AK5: variants seen among roughly 807,000 people sequenced by gnomAD.
AK5 encodes adenylate kinase isoenzyme 5.
Under a neutral mutation model 69.5 loss-of-function variants are expected in AK5, and 27 were observed. That is an observed-to-expected ratio of 0.39 (90% CI 0.29 to 0.54). AK5 has a LOEUF of 0.54. Among genes scored for constraint, AK5 ranks in the 20% least tolerant of loss-of-function variants. AK5 has a pLI of 0.71. For synonymous variants in AK5, 260 were observed against 244.4 expected, an observed-to-expected ratio of 1.06 and a Z score of -0.60; for missense variants, 531 against 700.4, an observed-to-expected ratio of 0.76 and a Z score of 2.73.
intron 8 of AK5, among the ~76,000 whole-genome samples, chr1:77,453,825 G>A (rs886123723): frequency 2.6e-5 from 4 of 152,134 alleles, no homozygotes; most frequent in African/African-American, 7.2e-5. Context: ...TAGCAACAAC[G>A]GTATAAGTAG....
intron 6 of AK5, among the ~76,000 whole-genome samples, chr1:77,359,240 C>T (rs1437452494): frequency 4.7e-5 from 7 of 148,086 alleles, no homozygotes; most frequent in Non-Finnish European, 1.0e-4. Context: ...GGCGACAGAG[C>T]GAGACTCTGT....
intron 8 of AK5, among the ~76,000 whole-genome samples, chr1:77,421,042 T>C (rs1265969729): frequency 3.3e-5 from 5 of 152,204 alleles, no homozygotes; most frequent in Non-Finnish European, 7.3e-5. Context: ...ATTTCCACCA[T>C]TTAAAAATGT....
chr1:77,296,249 A>G (rs1031377116), intron 3 of AK5, among the ~76,000 whole-genome samples: 3 of 152,122 alleles, frequency 2.0e-5, no homozygotes, highest in Non-Finnish European at 4.4e-5. Flanking sequence ...CTCTCTTGGA[A>G]CAGATACGAA....
At chr1:77,522,446 G>A (rs1658043720) in intron 12 of AK5, among the ~76,000 whole-genome samples, 1 of 152,184 alleles carries the variant, frequency 6.6e-6, no homozygotes, top group Non-Finnish European at 1.5e-5. Context: ...GATGGGAAGG[G>A]AGGAGGGAGC....
chr1:77,385,885 A>G (rs192546708), intron 6 of AK5, among the ~76,000 whole-genome samples: 141 of 152,350 alleles, frequency 9.3e-4, no homozygotes, highest in African/African-American at 3.3e-3. Flanking sequence ...CCTAAAACTG[A>G]GAAATCAAGA....
chr1:77,510,061 G>A (rs1657255351), intron 10 of AK5, among the ~76,000 whole-genome samples: 1 of 152,198 alleles, frequency 6.6e-6, no homozygotes, highest in Non-Finnish European at 1.5e-5. Flanking sequence ...AGAATGGCCT[G>A]AGGTGTGAAC....
chr1:77,511,894 A>G (rs2100292453), intron 10 of AK5, among the ~76,000 whole-genome samples: 1 of 152,328 alleles, frequency 6.6e-6, no homozygotes, highest in South Asian at 2.1e-4. Flanking sequence ...GGTCATAACG[A>G]CAGCAAGGAA....
chr1:77,330,154 C>T (rs760678129), intron 5 of AK5, among the ~76,000 whole-genome samples: 22 of 152,186 alleles, frequency 1.4e-4, no homozygotes, highest in Admixed American at 1.1e-3. Context: ...GTTGGTTATA[C>T]GTGTGGCAAA....
intron 8 of AK5, among the ~76,000 whole-genome samples, chr1:77,468,859 T>C (rs1414249242): frequency 6.6e-6 from 1 of 152,222 alleles, no homozygotes; most frequent in Non-Finnish European, 1.5e-5. Context: ...AAACAGGAGC[T>C]ATAAAGGCTG....
intron 6 of AK5, among the ~76,000 whole-genome samples, chr1:77,402,669 C>T (rs1649314028): frequency 6.6e-6 from 1 of 151,728 alleles, no homozygotes; most frequent in Non-Finnish European, 1.5e-5. Flanking sequence ...TGTATATGTG[C>T]CACATTTTCT....
At chr1:77,311,394 G>A (rs577861583) in intron 5 of AK5, among the ~76,000 whole-genome samples, 1 of 152,258 alleles carries the variant, frequency 6.6e-6, no homozygotes, top group East Asian at 1.9e-4. Flanking sequence ...CATCAGCGAA[G>A]TATAGTAGTT....
chr1:77,528,886 T>G (rs1658423678), intron 12 of AK5, among the ~76,000 whole-genome samples: 1 of 152,228 alleles, frequency 6.6e-6, no homozygotes, highest in Non-Finnish European at 1.5e-5. Context: ...CAGCTAACTT[T>G]GTAGATCTCC....
At chr1:77,304,229 T>C (rs1202498773) in intron 5 of AK5, among the ~76,000 whole-genome samples, 1 of 152,122 alleles carries the variant, frequency 6.6e-6, no homozygotes, top group Non-Finnish European at 1.5e-5. Flanking sequence ...ATGACTTCAA[T>C]TGTTTTGATT....
At chr1:77,552,286 A>G (rs1270519526) in intron 13 of AK5, among the ~76,000 whole-genome samples, 1 of 152,138 alleles carries the variant, frequency 6.6e-6, no homozygotes, top group Non-Finnish European at 1.5e-5. Flanking sequence ...CGCTGTATTC[A>G]GAGTTGAATC....
At chr1:77,289,107 A>G (rs1303466017) in intron 2 of AK5, among the ~76,000 whole-genome samples, 1 of 152,212 alleles carries the variant, frequency 6.6e-6, no homozygotes, top group Non-Finnish European at 1.5e-5. Context: ...AGTCCCAGGT[A>G]TAAAGTTCAC....
chr1:77,360,362 A>G (rs978820296), intron 6 of AK5, among the ~76,000 whole-genome samples: 1 of 152,202 alleles, frequency 6.6e-6, no homozygotes, highest in Admixed American at 6.5e-5. Context: ...TTCTCTGAGA[A>G]GTCAAGCAAG....
At chr1:77,525,390 G>A (rs532800353) in intron 12 of AK5, among the ~76,000 whole-genome samples, 1 of 152,350 alleles carries the variant, frequency 6.6e-6, no homozygotes, top group East Asian at 1.9e-4. Flanking sequence ...ATAAAGAAAA[G>A]AGGTTATTTT....
intron 10 of AK5, among the ~76,000 whole-genome samples, chr1:77,512,893 A>T (rs1267839818): frequency 6.6e-6 from 1 of 152,226 alleles, no homozygotes; most frequent in Admixed American, 6.5e-5. Context: ...AGACTTTTCA[A>T]ATGTAGACTT....
chr1:77,475,493 CAA>C (rs1166129149), intron 8 of AK5, among the ~76,000 whole-genome samples: 9 of 42,748 alleles, frequency 2.1e-4, no homozygotes, highest in South Asian at 1.5e-3. Flanking sequence ...TATATATATA[CAA>C]ATATATATTA....
Sources: gnomAD v4.1 joint callset for allele counts (sites outside exome capture counted in the v4.1 genomes callset) on GRCh38, gnomAD v4.1.1 for gene constraint, MANE v1.5 for transcripts, NCBI Gene and HGNC (gene_info 2026-07-23, HGNC 2026-07-21) for gene names.